The following GLIS1 variants were observed in gnomAD, a reference collection of about 807,000 sequenced individuals.
The protein encoded by GLIS1 is zinc finger protein GLIS1.
Under a neutral mutation model 63.8 loss-of-function variants are expected in GLIS1, and 24 were observed. The ratio of observed to expected loss-of-function variants is 0.38; its 90% CI spans 0.27 to 0.53. The LOEUF is 0.53. Ranked by LOEUF, GLIS1 falls within the 20% of genes least tolerant of loss-of-function variation. The probability of loss-of-function intolerance (pLI) is 0.85; values close to 1 mark genes in which losing one functional copy is unlikely to be tolerated. For missense variants in GLIS1, 1,036 were observed against 1,074.1 expected, an observed-to-expected ratio of 0.96 and a Z score of 0.50; for synonymous variants, 450 against 482.5, an observed-to-expected ratio of 0.93 and a Z score of 0.88.
At chr1:53,510,611 C>T (rs1322710252) in intron 8 of GLIS1, among the ~76,000 whole-genome samples, 3 of 152,188 alleles carry the variant, frequency 2.0e-5, no homozygotes, top group Non-Finnish European at 4.4e-5. Context: ...AAGTTACTCC[C>T]AGCCACACAA....
At chr1:53,540,738 G>T (rs1180110512) in intron 4 of GLIS1, among the ~76,000 whole-genome samples, 2 of 152,194 alleles carry the variant, frequency 1.3e-5, no homozygotes, top group Non-Finnish European at 2.9e-5. Flanking sequence ...GGGACCGCCT[G>T]CCCAGGATGG....
intron 8 of GLIS1, 130 bp downstream of exon 8, chr1:53,514,495 G>T (rs1644329312): frequency 3.3e-6 from 3 of 897,980 alleles, no homozygotes; most frequent in Non-Finnish European, 3.4e-6. Context: ...TGCAGTCAGT[G>T]TTCCCTGAAG....
intron 2 of GLIS1, among the ~76,000 whole-genome samples, chr1:53,644,869 T>C (rs999591458): frequency 1.3e-5 from 2 of 152,198 alleles, no homozygotes; most frequent in African/African-American, 2.4e-5. Context: ...ATTCCACTGG[T>C]ATAAAAGGAT....
chr1:53,734,795 T>C (rs1362153955), intron 2 of GLIS1, among the ~76,000 whole-genome samples: 1 of 152,214 alleles, frequency 6.6e-6, no homozygotes, highest in African/African-American at 2.4e-5. Context: ...AAAGCCCAGA[T>C]GTTTACCTTC....
rs560003656 is a variant in GLIS1, at chr1:53,636,335, A to C, written c.260-36057T>G. ...CTATTCACCACATTAGTAGATTTTA[A>C]AAGAAGACCCTATGATCATCTCAAC... is the stretch of plus-strand genomic sequence containing the variant. On this transcript the variant is annotated intron_variant, in intron 2 of 10. Coordinates refer to ENST00000628545, the MANE Select transcript of GLIS1 (RefSeq NM_001367484.1). Among the ~76,000 whole-genome samples, 5 of 152,354 alleles carry C rather than the reference A, an allele frequency of 3.3e-5. No homozygotes were observed. The South Asian group carries it at 1.0e-3, about 32-fold the overall frequency.
At chr1:53,619,848 C>A (rs184418737) in intron 2 of GLIS1, among the ~76,000 whole-genome samples, 31 of 152,286 alleles carry the variant, frequency 2.0e-4, no homozygotes, top group African/African-American at 6.7e-4. Flanking sequence ...GCCCAGTGAG[C>A]GTGAAGGGCT....
Position 53,528,050 on chromosome 1 carries a change from G to A in GLIS1, c.1482+1741C>T, listed in dbSNP as rs182319281. 2.9e-4 allele frequency among the ~76,000 whole-genome samples: 44 copies of A among 152,242 alleles called. No homozygotes were observed. The East Asian group carries it at 7.7e-3, about 27-fold the overall frequency. ...TAGGGAGAGGGTGCAGGGAGGCCTG[G>A]CACTGTCAGCGCTGGCTTGTGGCCT... is the stretch of plus-strand genomic sequence containing the variant. On this transcript the variant is annotated intron_variant, in intron 5 of 10. Coordinates refer to ENST00000628545, the MANE Select transcript of GLIS1 (RefSeq NM_001367484.1).
chr1:53,624,628 A>G (rs1645576921), intron 2 of GLIS1, among the ~76,000 whole-genome samples: 1 of 151,770 alleles, frequency 6.6e-6, no homozygotes, highest in Non-Finnish European at 1.5e-5. Context: ...GCAGCCTTGA[A>G]CTCCTGGGCT....
chr1:53,632,672 G>A (rs537967061), intron 2 of GLIS1, among the ~76,000 whole-genome samples: 1 of 148,574 alleles, frequency 6.7e-6, no homozygotes, highest in East Asian at 2.0e-4. Flanking sequence ...ACTGAGGGGT[G>A]TGTGAATGAG....
intron 4 of GLIS1, among the ~76,000 whole-genome samples, chr1:53,590,899 A>G (rs1033966406): frequency 1.8e-4 from 27 of 152,202 alleles, no homozygotes; most frequent in African/African-American, 6.3e-4. Context: ...GGCTCCTCTC[A>G]GCACATTGAG....
intron 2 of GLIS1, among the ~76,000 whole-genome samples, chr1:53,653,731 G>T (rs1183633674): frequency 6.6e-6 from 1 of 152,160 alleles, no homozygotes; most frequent in East Asian, 1.9e-4. Flanking sequence ...AGAGGATCAG[G>T]GTGAGACAGA....
intron 7 of GLIS1, among the ~76,000 whole-genome samples, chr1:53,515,029 G>T (rs1644336268): frequency 6.6e-6 from 1 of 152,184 alleles, no homozygotes; most frequent in Non-Finnish European, 1.5e-5. Context: ...AGCAGAGGTG[G>T]ACTGGCAAGG....
chr1:53,624,480 C>T (rs1645574961), intron 2 of GLIS1, among the ~76,000 whole-genome samples: 1 of 151,722 alleles, frequency 6.6e-6, no homozygotes, highest in African/African-American at 2.4e-5. Context: ...TCTTAGAACA[C>T]ACAAAAAGCA....
rs143209055 is a variant in GLIS1 at position 53,584,542 on chromosome 1, C to T, written c.1320+9566G>A. On this transcript the variant is annotated intron_variant, in intron 4 of 10. Transcript: ENST00000628545. The stretch of plus-strand genomic sequence containing the variant: ...ATTCATTTGCCACCAGACCATTCTT[C>T]CTTTGACACTGTACTCCTTGCTTCT... Among the ~76,000 whole-genome samples, 142 of 152,272 alleles carry T rather than the reference C, an allele frequency of 9.3e-4. 2 individuals are homozygous for T. Among genetic ancestry groups the T allele is most frequent in the Non-Finnish European group, 6.8e-4 (46 of 68,032 alleles).
At chr1:53,562,218 G>A (rs1644899214) in intron 4 of GLIS1, among the ~76,000 whole-genome samples, 1 of 152,166 alleles carries the variant, frequency 6.6e-6, no homozygotes, top group South Asian at 2.1e-4. Context: ...AATGAGCAGA[G>A]GCCAGACCAT....
chr1:53,583,299 G>A (rs1557463254), intron 4 of GLIS1, among the ~76,000 whole-genome samples: 1 of 152,200 alleles, frequency 6.6e-6, no homozygotes, highest in East Asian at 1.9e-4. Flanking sequence ...CCAGGGCCCT[G>A]CCCAGGGCCT....
At chr1:53,578,662 G>A (rs1008917055) in intron 4 of GLIS1, among the ~76,000 whole-genome samples, 1 of 152,142 alleles carries the variant, frequency 6.6e-6, no homozygotes, top group African/African-American at 2.4e-5. Context: ...GAAAATATAC[G>A]ATTCAATCAC....
At chr1:53,509,311 C>T (rs781143987) in intron 9 of GLIS1, 24 bp from the exon 10 acceptor site, 25 of 1,544,120 alleles carry the variant, frequency 1.6e-5, no homozygotes, top group Admixed American at 3.8e-5. Flanking sequence ...TAGCAGGGGC[C>T]GCGTTCACAA....
At chr1:53,622,799 T>C (rs1411799547) in intron 2 of GLIS1, among the ~76,000 whole-genome samples, 1 of 152,240 alleles carries the variant, frequency 6.6e-6, no homozygotes, top group Non-Finnish European at 1.5e-5. Context: ...TTTGGACTTC[T>C]GGCCTCCAGA....
Sources: gnomAD v4.1 joint callset for allele counts (sites outside exome capture counted in the v4.1 genomes callset) on GRCh38, gnomAD v4.1.1 for gene constraint, MANE v1.5 for transcripts, NCBI Gene and HGNC (gene_info 2026-07-23, HGNC 2026-07-21) for gene names.